The following PIWIL2 variants were observed in gnomAD, a reference collection of about 807,000 sequenced individuals.
The protein encoded by PIWIL2 is piwi-like protein 2.
PIWIL2 carries 81 observed loss-of-function variants against 116.5 expected under a neutral mutation model. That is an observed-to-expected ratio of 0.70 (90% CI 0.58 to 0.84). The LOEUF is 0.84. Among genes scored for constraint, PIWIL2 ranks in the 40% least tolerant of loss-of-function variants. PIWIL2 has a pLI of 0.00. For synonymous variants in PIWIL2, 489 were observed against 429.5 expected (o/e 1.14, Z -1.71); for missense variants, 1,272 against 1,212.3 (o/e 1.05, Z -0.73).
At chr8:22,322,645 C>T (rs1331723809) in intron 20 of PIWIL2, among the ~76,000 whole-genome samples, 1 of 150,820 alleles carries the variant, frequency 6.6e-6, no homozygotes, top group African/African-American at 2.5e-5. Flanking sequence ...TTTCCTTGTC[C>T]TGTCCTTGTC....
In PIWIL2 at chr8:22,304,143, A is replaced by T. The variant is rs898572306; in HGVS notation, c.1304A>T (p.Asn435Ile). Residue 435 changes from asparagine to isoleucine, a missense_variant, in exon 11 of 23, where the codon AAT becomes ATT. Physicochemically the swap from Asn to Ile is moderately radical, Grantham distance 149 (BLOSUM62 -3). Coordinates refer to ENST00000356766, the MANE Select transcript of PIWIL2 (RefSeq NM_018068.5). ...RTYRIDDVDW[N>I]KTPKDSFTMS... ...TATCGTATTGATGATGTGGATTGGA[A>T]TAAGACTCCAAAGGATAGCTTCACG... 2 of 1,613,124 alleles carry T rather than the reference A, an allele frequency of 1.2e-6. No individual in the cohort carries two copies. Among genetic ancestry groups the T allele is most frequent in the African/African-American group, 2.7e-5 (2 of 74,926 alleles).
intron 20 of PIWIL2, among the ~76,000 whole-genome samples, chr8:22,325,842 T>C (rs1015523206): frequency 1.3e-5 from 2 of 152,132 alleles, no homozygotes; most frequent in Admixed American, 1.3e-4. Context: ...GTATGCAAAA[T>C]CCAGTCTGTA....
At chr8:22,319,278 A>C (rs1233325726) in intron 20 of PIWIL2, among the ~76,000 whole-genome samples, 1 of 152,214 alleles carries the variant, frequency 6.6e-6, no homozygotes, top group Non-Finnish European at 1.5e-5. Flanking sequence ...CAAATACTTT[A>C]ATACTGTTCA....
At position 22,279,426 on chromosome 8, in the gene PIWIL2, A is replaced by G; in HGVS notation, c.40A>G (p.Ile14Val). The part of the protein sequence containing the change: ...FRPSFRGQSP[I>V]HPSQCQAVRM... ...ACCATCGTTCAGGGGCCAGTCTCCTATCCACCCATCCCAGTGCCAGGCTGT... is the reference window on the plus strand; with the variant it reads ...ACCATCGTTCAGGGGCCAGTCTCCTGTCCACCCATCCCAGTGCCAGGCTGT... Residue 14 changes from isoleucine to valine, a missense_variant, in exon 2 of 23, where the codon ATC becomes GTC. By Grantham distance (29) the Ile-to-Val change is conservative. Coordinates refer to ENST00000356766, the MANE Select transcript of PIWIL2 (RefSeq NM_018068.5). 1 of 1,614,150 alleles carries G rather than the reference A, an allele frequency of 6.2e-7. No homozygotes were observed. The highest frequency in any genetic ancestry group is 1.6e-4 in the Middle Eastern group (1 of 6,062).
At chr8:22,315,008 C>G (rs1188053788) in intron 17 of PIWIL2, 21 bp from the exon 18 acceptor site, 16 of 1,422,980 alleles carry the variant, frequency 1.1e-5, no homozygotes, top group Non-Finnish European at 1.6e-5. Context: ...CTCCTGACAC[C>G]TTTTGGTCCC....
chr8:22,277,209 A>T (rs1050094211), intron 1 of PIWIL2, among the ~76,000 whole-genome samples: 15 of 152,068 alleles, frequency 9.9e-5, no homozygotes, highest in African/African-American at 3.6e-4. Context: ...TTTAGTAAAG[A>T]CAGGGTTTCA....
At chr8:22,303,040 C>A (rs1563373008) in intron 10 of PIWIL2, among the ~76,000 whole-genome samples, 1 of 152,198 alleles carries the variant, frequency 6.6e-6, no homozygotes, top group Non-Finnish European at 1.5e-5. Context: ...AGGTTGTACA[C>A]TTTTTGGTTC....
Position 22,348,712 on chromosome 8 carries a change from C to T in PIWIL2, c.2404-4247C>T, listed in dbSNP as rs1400838045. Among the ~76,000 whole-genome samples, 5 of 152,062 alleles carry T rather than the reference C, an allele frequency of 3.3e-5. No individual in the cohort carries two copies. The East Asian group carries it at 9.6e-4, about 29-fold the overall frequency. Reference sequence around the variant, plus strand: ...GCTGAGGCAGGAGGATCGCTTGAGCCCAGAAGGTTGAGTGACAGAGCAAGA... The same window carrying T: ...GCTGAGGCAGGAGGATCGCTTGAGCTCAGAAGGTTGAGTGACAGAGCAAGA... On this transcript the variant is annotated intron_variant, in intron 20 of 22. Coordinates refer to ENST00000356766, the MANE Select transcript of PIWIL2 (RefSeq NM_018068.5).
chr8:22,284,113 G>GT (rs747648524), intron 5 of PIWIL2, 49 bp from the exon 6 acceptor site: 37 of 971,886 alleles, frequency 3.8e-5, no homozygotes, highest in Non-Finnish European at 5.1e-5. Context: ...TAGTTATTTT[G>GT]TTTTTTTGTT....
chr8:22,318,224 T>A lies in PIWIL2; in HGVS notation c.2352T>A (p.Ile784=), dbSNP rs1171654949. The A allele has an allele frequency of 1.9e-6, 3 of 1,613,798 alleles. No homozygotes were observed. Among genetic ancestry groups the A allele is most frequent in the Non-Finnish European group, 2.5e-6 (3 of 1,179,708 alleles). ...TGTTCCAGATGCCGCATCAGGAGAT[T>A]GTGGACAGCCTGAAGCTATGCCTCG... ...RVVFQMPHQE[I]VDSLKLCLVG... The change falls in exon 20 of 23, where the codon ATT becomes ATA. Residue 784 remains isoleucine, a synonymous_variant. Transcript: ENST00000356766.
intron 10 of PIWIL2, among the ~76,000 whole-genome samples, chr8:22,302,816 A>G (rs530797961): frequency 3.3e-5 from 5 of 152,290 alleles, no homozygotes; most frequent in African/African-American, 9.6e-5. Flanking sequence ...TCTTCTAAGC[A>G]TAGATGGTTT....
intron 1 of PIWIL2, among the ~76,000 whole-genome samples, chr8:22,276,393 G>A (rs976271032): frequency 1.3e-5 from 2 of 152,328 alleles, no homozygotes; most frequent in East Asian, 1.9e-4. Context: ...TCTGCTCACT[G>A]CAACCTCCGC....
intron 20 of PIWIL2, among the ~76,000 whole-genome samples, chr8:22,318,671 T>C (rs1831525223): frequency 1.3e-5 from 2 of 152,186 alleles, no homozygotes; most frequent in Admixed American, 1.3e-4. Context: ...GGAAGTCTGA[T>C]GTGGTGAGAG....
At chr8:22,333,360 C>T (rs1032190239) in intron 20 of PIWIL2, among the ~76,000 whole-genome samples, 1 of 152,026 alleles carries the variant, frequency 6.6e-6, no homozygotes, top group Admixed American at 6.6e-5. Context: ...GCCTGTAATC[C>T]CAGCACTTTG....
At chr8:22,308,225 T>G (rs553374502) in intron 14 of PIWIL2, 152 bp downstream of exon 14, 73 of 590,852 alleles carry the variant, frequency 1.2e-4, no homozygotes, top group Middle Eastern at 4.5e-4. Context: ...AGACAGAGTC[T>G]TATTGGGATT....
At chr8:22,287,376 T>G (rs773720590) in intron 6 of PIWIL2, 152 bp from the exon 7 acceptor site, 1 of 641,320 alleles carries the variant, frequency 1.6e-6, no homozygotes, top group Non-Finnish European at 2.8e-6. Flanking sequence ...CGAGCAGGTC[T>G]TCTTGAGTCA....
rs114469166 is a variant in PIWIL2, at chr8:22,351,048, G to T, written c.2404-1911G>T. 2.7e-3 allele frequency among the ~76,000 whole-genome samples: 405 copies of T among 152,176 alleles called. 1 individual carries two copies. Among genetic ancestry groups the T allele is most frequent in the African/African-American group, 9.3e-3 (388 of 41,518 alleles). ...CCCAGCTAGTCCCAGCTACTTGAGA[G>T]GCTGAGGACCAAGAATTGCATGAGC... On this transcript the variant is annotated intron_variant, in intron 20 of 22. Coordinates refer to ENST00000356766, the MANE Select transcript of PIWIL2 (RefSeq NM_018068.5).
chr8:22,319,500 T>C (rs1831545539), intron 20 of PIWIL2, among the ~76,000 whole-genome samples: 1 of 152,238 alleles, frequency 6.6e-6, no homozygotes, highest in Admixed American at 6.5e-5. Context: ...TTGTTATTTA[T>C]CCATCCCACT....
At chr8:22,343,863 C>A (rs1832165903) in intron 20 of PIWIL2, among the ~76,000 whole-genome samples, 1 of 152,218 alleles carries the variant, frequency 6.6e-6, no homozygotes, top group Non-Finnish European at 1.5e-5. Context: ...CTTACATACA[C>A]ATACCAACAA....
Sources: gnomAD v4.1 joint callset for allele counts (sites outside exome capture counted in the v4.1 genomes callset) on GRCh38, gnomAD v4.1.1 for gene constraint, MANE v1.5 for transcripts, NCBI Gene and HGNC (gene_info 2026-07-23, HGNC 2026-07-21) for gene names.